Variants in CSTPP1 observed in about 807,000 individuals in gnomAD.
CSTPP1 encodes centriolar satellite-associated tubulin polyglutamylase complex regulator 1, also known as UPF0705 protein C11orf49.
At chr11:46,959,681 A>C in the CSTPP1 span, among the ~76,000 whole-genome samples, 1 of 152,022 alleles carries the variant, frequency 6.6e-6, no homozygotes, top group Non-Finnish European at 1.5e-5. Context: ...CTCTTTTCTC[A>C]GTATAGCCAC....
At chr11:46,993,160 G>T in the CSTPP1 span, among the ~76,000 whole-genome samples, 1 of 152,160 alleles carries the variant, frequency 6.6e-6, no homozygotes, top group Non-Finnish European at 1.5e-5. Flanking sequence ...TGGGTAGATT[G>T]CAGAAATTTT....
At chr11:46,955,496 C>T in the CSTPP1 span, among the ~76,000 whole-genome samples, 2 of 151,606 alleles carry the variant, frequency 1.3e-5, no homozygotes, top group South Asian at 4.2e-4. Flanking sequence ...CCTGAATAGC[C>T]GGGACCACAG....
the CSTPP1 span, among the ~76,000 whole-genome samples, chr11:46,945,520 C>A: frequency 6.6e-6 from 1 of 152,074 alleles, no homozygotes; most frequent in African/African-American, 2.4e-5. Flanking sequence ...GAGGCTGAGG[C>A]ATGAGAATCG....
the CSTPP1 span, among the ~76,000 whole-genome samples, chr11:46,978,955 T>C: frequency 6.6e-6 from 1 of 152,238 alleles, no homozygotes; most frequent in Non-Finnish European, 1.5e-5. Context: ...TTATGTAATA[T>C]TTTTAATGTA....
At chr11:47,015,576 A>G in the CSTPP1 span, among the ~76,000 whole-genome samples, 3 of 152,078 alleles carry the variant, frequency 2.0e-5, no homozygotes, top group Non-Finnish European at 4.4e-5. Flanking sequence ...TACCAAGCAT[A>G]TTAGGAAGAA....
At chr11:46,992,573 C>T in the CSTPP1 span, among the ~76,000 whole-genome samples, 2 of 152,018 alleles carry the variant, frequency 1.3e-5, no homozygotes, top group Non-Finnish European at 2.9e-5. Context: ...TGATCTCATC[C>T]TTTTTTATGG....
chr11:47,097,463 G>A, the CSTPP1 span, among the ~76,000 whole-genome samples: 79 of 23,172 alleles, frequency 3.4e-3, no homozygotes, highest in South Asian at 7.3e-3. Context: ...GGGGGGGGTC[G>A]GCCCCCCTGC....
At chr11:47,045,268 T>C in the CSTPP1 span, among the ~76,000 whole-genome samples, 1 of 152,212 alleles carries the variant, frequency 6.6e-6, no homozygotes, top group Non-Finnish European at 1.5e-5. Flanking sequence ...CATTTACCAC[T>C]CACAGGCTTT....
the CSTPP1 span, among the ~76,000 whole-genome samples, chr11:47,067,359 T>G: frequency 2.0e-5 from 3 of 152,198 alleles, no homozygotes; most frequent in African/African-American, 7.2e-5. Flanking sequence ...ATGGTATTAT[T>G]TTTTGAAAAG....
chr11:47,055,130 G>A, the CSTPP1 span, among the ~76,000 whole-genome samples: 3 of 151,324 alleles, frequency 2.0e-5, no homozygotes, highest in African/African-American at 4.9e-5. Context: ...TTGGGGTTTC[G>A]CTATGTTATC....
chr11:46,946,159 G>T, the CSTPP1 span, among the ~76,000 whole-genome samples: 1 of 152,328 alleles, frequency 6.6e-6, no homozygotes, highest in East Asian at 1.9e-4. Flanking sequence ...AAAGTAAATT[G>T]CAGAGTGATG....
chr11:46,964,585 C>G, the CSTPP1 span, among the ~76,000 whole-genome samples: 1 of 152,114 alleles, frequency 6.6e-6, no homozygotes, highest in Non-Finnish European at 1.5e-5. Flanking sequence ...GCGCCTGGCC[C>G]ACAGTGCTTT....
At chr11:47,039,107 C>G in the CSTPP1 span, among the ~76,000 whole-genome samples, 2 of 126,502 alleles carry the variant, frequency 1.6e-5, no homozygotes, top group Admixed American at 8.4e-5. Context: ...GGGTGGCGGC[C>G]GGGCAGAGGC....
chr11:47,083,957 G>A, the CSTPP1 span, among the ~76,000 whole-genome samples: 1 of 152,080 alleles, frequency 6.6e-6, no homozygotes, highest in African/African-American at 2.4e-5. Context: ...CATTTATCTT[G>A]GGTAAATACC....
chr11:47,147,655 C>G, the CSTPP1 span, among the ~76,000 whole-genome samples: 2 of 152,150 alleles, frequency 1.3e-5, no homozygotes, highest in African/African-American at 4.8e-5. Flanking sequence ...CGAGACAGCA[C>G]AGAGTCCACT....
the CSTPP1 span, chr11:47,157,804 C>A: frequency 2.9e-5 from 46 of 1,612,256 alleles, no homozygotes; most frequent in Non-Finnish European, 3.8e-5. Flanking sequence ...TGGCATCTCT[C>A]CTTCTTAGCT....
At chr11:47,056,158 T>G in the CSTPP1 span, among the ~76,000 whole-genome samples, 1 of 152,176 alleles carries the variant, frequency 6.6e-6, no homozygotes, top group Non-Finnish European at 1.5e-5. Flanking sequence ...ATGTGAAAAG[T>G]CAATCTTCCG....
At chr11:46,994,425 A>T in the CSTPP1 span, among the ~76,000 whole-genome samples, 2 of 152,250 alleles carry the variant, frequency 1.3e-5, no homozygotes, top group East Asian at 3.9e-4. Context: ...TGTCATAAAT[A>T]GCTCATTATT....
the CSTPP1 span, among the ~76,000 whole-genome samples, chr11:47,062,489 T>C: frequency 6.6e-6 from 1 of 152,210 alleles, no homozygotes; most frequent in African/African-American, 2.4e-5. Context: ...ATTGAGCAAA[T>C]GCTATATGCC....
Sources: allele counts gnomAD v4.1 joint callset (sites outside exome capture counted in the v4.1 genomes callset), GRCh38; gene constraint gnomAD v4.1.1; transcripts MANE v1.5; gene names NCBI Gene and HGNC (gene_info 2026-07-23, HGNC 2026-07-21).